The following VPS41 variants were observed in gnomAD, a reference collection of about 807,000 sequenced individuals.
The protein encoded by VPS41 is VPS41 subunit of HOPS complex.
Under a neutral mutation model 130.9 loss-of-function variants are expected in VPS41, and 85 were observed. The ratio of observed to expected loss-of-function variants is 0.65; its 90% CI spans 0.55 to 0.78. The LOEUF is 0.78. VPS41 is among the 30% of genes least tolerant of loss of function. The pLI is 0.00. For missense variants in VPS41, 874 were observed against 1,018.7 expected (o/e 0.86, Z 1.93); for synonymous variants, 335 against 332.9 (o/e 1.01, Z -0.07).
intron 2 of VPS41, among the ~76,000 whole-genome samples, chr7:38,890,001 CTG>C (rs1786826549): frequency 6.6e-6 from 1 of 152,124 alleles, no homozygotes; most frequent in South Asian, 2.1e-4. Context: ...CACCAGTAGA[CTG>C]TGATAAGTTA....
At chr7:38,754,781 G>C (rs1268590987) in intron 20 of VPS41, 29 bp from the exon 21 acceptor site, 2 of 1,603,376 alleles carry the variant, frequency 1.2e-6, no homozygotes, top group African/African-American at 2.7e-5. Context: ...TTTCAAGGTG[G>C]AGTCATGAGG....
chr7:38,857,412 A>C (rs10259755), intron 4 of VPS41, among the ~76,000 whole-genome samples: 49,311 of 152,110 alleles, frequency 0.32, 8,635 homozygotes, highest in Admixed American at 0.53. Flanking sequence ...GAACAGTAGA[A>C]ATTTATGTTT....
intron 23 of VPS41, among the ~76,000 whole-genome samples, chr7:38,745,101 G>C (rs1795961263): frequency 6.6e-6 from 1 of 152,142 alleles, no homozygotes; most frequent in African/African-American, 2.4e-5. Flanking sequence ...GGAGCCAGAA[G>C]ACCAGGAACA....
intron 2 of VPS41, among the ~76,000 whole-genome samples, chr7:38,886,693 C>G (rs999511442): frequency 7.2e-5 from 11 of 152,206 alleles, no homozygotes; most frequent in African/African-American, 2.7e-4. Flanking sequence ...CATTTGAGCT[C>G]CAATAACGGA....
At chr7:38,863,578 A>C (rs1404018796) in intron 3 of VPS41, among the ~76,000 whole-genome samples, 1 of 152,222 alleles carries the variant, frequency 6.6e-6, no homozygotes, top group Non-Finnish European at 1.5e-5. Context: ...GGCACTTAAA[A>C]TATGAAGCTA....
At chr7:38,839,753 G>C (rs1319920383) in intron 4 of VPS41, among the ~76,000 whole-genome samples, 1 of 152,102 alleles carries the variant, frequency 6.6e-6, no homozygotes, top group East Asian at 1.9e-4. Context: ...TGCCCGGCCA[G>C]AACAGTATAT....
chr7:38,862,050 T>C (rs914754702), intron 4 of VPS41, among the ~76,000 whole-genome samples: 1 of 152,188 alleles, frequency 6.6e-6, no homozygotes, highest in African/African-American at 2.4e-5. Context: ...TACTTACAAC[T>C]GAAATTAGTC....
chr7:38,842,676 A>ATATT (rs1785633256), intron 4 of VPS41, among the ~76,000 whole-genome samples: 1 of 152,168 alleles, frequency 6.6e-6, no homozygotes, highest in Non-Finnish European at 1.5e-5. Context: ...TTAACTCTAT[A>ATATT]TATTTGGCTT....
At chr7:38,849,198 G>C (rs1177631942) in intron 4 of VPS41, among the ~76,000 whole-genome samples, 1 of 152,092 alleles carries the variant, frequency 6.6e-6, no homozygotes, top group African/African-American at 2.4e-5. Context: ...TCGGTGCCCT[G>C]CTGCTCAAAC....
At chr7:38,742,897 G>A (rs1328788854) in intron 24 of VPS41, among the ~76,000 whole-genome samples, 7 of 151,996 alleles carry the variant, frequency 4.6e-5, no homozygotes, top group African/African-American at 1.7e-4. Context: ...CAGTCAAGCT[G>A]AGGACCAACA....
At chr7:38,790,758 C>T (rs1266608988) in intron 9 of VPS41, among the ~76,000 whole-genome samples, 1 of 152,222 alleles carries the variant, frequency 6.6e-6, no homozygotes, top group Non-Finnish European at 1.5e-5. Context: ...GGAACCAATT[C>T]CCCACAGGCA....
chr7:38,852,081 A>C (rs371138872), intron 4 of VPS41, among the ~76,000 whole-genome samples: 1 of 152,186 alleles, frequency 6.6e-6, no homozygotes, highest in Non-Finnish European at 1.5e-5. Context: ...TCTGGGTGAC[A>C]AAGTTGTGCG....
intron 7 of VPS41, among the ~76,000 whole-genome samples, chr7:38,801,902 A>G (rs1784734149): frequency 6.6e-6 from 1 of 152,230 alleles, no homozygotes; most frequent in Admixed American, 6.5e-5. Context: ...TACTCAGCCT[A>G]TCTTTACAGT....
intron 17 of VPS41, among the ~76,000 whole-genome samples, chr7:38,759,793 G>C (rs1783875848): frequency 6.6e-6 from 1 of 152,164 alleles, no homozygotes; most frequent in Non-Finnish European, 1.5e-5. Context: ...CCACCACCAA[G>C]AGTCCTCTAA....
At chr7:38,790,968 G>C (rs1475588705) in intron 9 of VPS41, among the ~76,000 whole-genome samples, 3 of 152,172 alleles carry the variant, frequency 2.0e-5, no homozygotes, top group Admixed American at 6.5e-5. Context: ...ACTTTTGTAA[G>C]GTTTTGTTTT....
chr7:38,874,049 A>T (rs1786432591), intron 2 of VPS41, among the ~76,000 whole-genome samples: 1 of 152,180 alleles, frequency 6.6e-6, no homozygotes, highest in South Asian at 2.1e-4. Context: ...TAATAATTTA[A>T]AATTTGTATA....
intron 9 of VPS41, among the ~76,000 whole-genome samples, chr7:38,793,483 C>T (rs1227929380): frequency 6.6e-6 from 1 of 152,094 alleles, no homozygotes; most frequent in East Asian, 1.9e-4. Flanking sequence ...AAGGAACCTC[C>T]AATAAAATGA....
chr7:38,731,586 C>T (rs549301402), intron 25 of VPS41, among the ~76,000 whole-genome samples: 1 of 152,214 alleles, frequency 6.6e-6, no homozygotes, highest in South Asian at 2.1e-4. Flanking sequence ...AGCCTATCTT[C>T]GCAACCACAG....
At chr7:38,871,320 A>G (rs1009825105) in intron 2 of VPS41, among the ~76,000 whole-genome samples, 1 of 152,232 alleles carries the variant, frequency 6.6e-6, no homozygotes, top group Non-Finnish European at 1.5e-5. Context: ...CTGCAAACTC[A>G]AATTCTTACA....
Sources: allele counts gnomAD v4.1 joint callset (sites outside exome capture counted in the v4.1 genomes callset), GRCh38; gene constraint gnomAD v4.1.1; transcripts MANE v1.5; gene names NCBI Gene and HGNC (gene_info 2026-07-23, HGNC 2026-07-21).